PPP3CA: variants seen among roughly 807,000 people sequenced by gnomAD.
PPP3CA encodes the protein CAM-PRP catalytic subunit.
In PPP3CA, 14 loss-of-function variants were observed where a neutral mutation model predicts 66.5. The observed-to-expected ratio is 0.21, with a 90% confidence interval of 0.14 to 0.33. The LOEUF (loss-of-function observed/expected upper bound fraction) is 0.33. Ranked by LOEUF, PPP3CA falls within the 10% of genes least tolerant of loss-of-function variation. The pLI is 1.00. For missense variants in PPP3CA, 317 were observed against 639.5 expected, an observed-to-expected ratio of 0.50 and a Z score of 5.44; for synonymous variants, 232 against 226.2, an observed-to-expected ratio of 1.03 and a Z score of -0.23.
At chr4:101,212,744 G>C (rs1725336651) in intron 1 of PPP3CA, among the ~76,000 whole-genome samples, 2 of 151,328 alleles carry the variant, frequency 1.3e-5, no homozygotes, top group South Asian at 4.2e-4. Context: ...TTTAGTGGAA[G>C]GCTCAAAGCA....
At chr4:101,026,587 G>A (rs988379537) in intron 13 of PPP3CA, among the ~76,000 whole-genome samples, 3 of 152,114 alleles carry the variant, frequency 2.0e-5, no homozygotes, top group Non-Finnish European at 2.9e-5. Context: ...GGAATTAACC[G>A]GGGCATTTCC....
intron 11 of PPP3CA, among the ~76,000 whole-genome samples, chr4:101,032,835 G>A (rs1044287913): frequency 1.3e-5 from 2 of 152,160 alleles, no homozygotes; most frequent in Non-Finnish European, 2.9e-5. Context: ...GTGGATTAGG[G>A]AATCAGGAAT....
At chr4:101,109,970 G>T (rs1034692265) in intron 2 of PPP3CA, among the ~76,000 whole-genome samples, 18 of 152,178 alleles carry the variant, frequency 1.2e-4, no homozygotes, top group Admixed American at 3.3e-4. Context: ...ATGTGGCTTG[G>T]TAGGGTCACT....
chr4:101,220,198 T>A (rs760067396), intron 1 of PPP3CA, among the ~76,000 whole-genome samples: 2 of 151,770 alleles, frequency 1.3e-5, no homozygotes, highest in Non-Finnish European at 3.0e-5. Context: ...ATAAAAGATG[T>A]TCACATTTTT....
chr4:101,248,957 G>A (rs996344065), intron 1 of PPP3CA, among the ~76,000 whole-genome samples: 9 of 151,198 alleles, frequency 6.0e-5, no homozygotes, highest in South Asian at 4.2e-4. Flanking sequence ...TCAGGAGATA[G>A]AGACCATCCT....
chr4:101,344,666 C>T (rs1036831073), intron 1 of PPP3CA, among the ~76,000 whole-genome samples: 1 of 152,070 alleles, frequency 6.6e-6, no homozygotes, highest in Non-Finnish European at 1.5e-5. Flanking sequence ...GCAAAGTAGC[C>T]TTGGAATGGT....
intron 2 of PPP3CA, among the ~76,000 whole-genome samples, chr4:101,162,203 G>A (rs1056218486): frequency 2.0e-5 from 3 of 151,956 alleles, no homozygotes; most frequent in African/African-American, 4.8e-5. Context: ...TGGCGCCACT[G>A]CACTCCAGCC....
chr4:101,312,379 T>C (rs1340912612), intron 1 of PPP3CA, among the ~76,000 whole-genome samples: 1 of 152,054 alleles, frequency 6.6e-6, no homozygotes, highest in African/African-American at 2.4e-5. Context: ...TTAAATTATG[T>C]AACATAAGAC....
At chr4:101,110,361 A>G (rs970204783) in intron 2 of PPP3CA, among the ~76,000 whole-genome samples, 2 of 152,246 alleles carry the variant, frequency 1.3e-5, no homozygotes, top group Non-Finnish European at 2.9e-5. Flanking sequence ...ATAATTATAA[A>G]ACAATGAAAT....
chr4:101,106,495 GA>G (rs200415038), intron 3 of PPP3CA, among the ~76,000 whole-genome samples: 686 of 65,018 alleles, frequency 0.011, 58 homozygotes, highest in Non-Finnish European at 0.014. Flanking sequence ...GAAAAGAAAA[GA>G]AAAGAAAGAA....
At chr4:101,335,618 C>T (rs1048881630) in intron 1 of PPP3CA, among the ~76,000 whole-genome samples, 1 of 152,092 alleles carries the variant, frequency 6.6e-6, no homozygotes, top group Non-Finnish European at 1.5e-5. Context: ...GAAAAAATAA[C>T]AAGGGAATTT....
chr4:101,103,016 A>G (rs549274866), intron 3 of PPP3CA, among the ~76,000 whole-genome samples: 36 of 152,008 alleles, frequency 2.4e-4, no homozygotes, highest in African/African-American at 8.7e-4. Flanking sequence ...TATTTTTAAA[A>G]TTAATTTTTG....
chr4:101,291,640 G>C (rs1321632511), intron 1 of PPP3CA, among the ~76,000 whole-genome samples: 1 of 152,184 alleles, frequency 6.6e-6, no homozygotes, highest in East Asian at 1.9e-4. Flanking sequence ...CAACATCCTT[G>C]TTCTCCAGGA....
At chr4:101,112,216 A>G (rs576677218) in intron 2 of PPP3CA, among the ~76,000 whole-genome samples, 10 of 152,300 alleles carry the variant, frequency 6.6e-5, no homozygotes, top group African/African-American at 2.2e-4. Context: ...TAGACAATGC[A>G]AATATTATAA....
At chr4:101,322,403 GA>G (rs1226870291) in intron 1 of PPP3CA, among the ~76,000 whole-genome samples, 4 of 149,350 alleles carry the variant, frequency 2.7e-5, no homozygotes, top group Non-Finnish European at 5.9e-5. Flanking sequence ...TAAATCTACT[GA>G]CATCTTTTTT....
intron 1 of PPP3CA, among the ~76,000 whole-genome samples, chr4:101,331,633 A>T (rs190366096): frequency 5.3e-5 from 8 of 152,338 alleles, no homozygotes; most frequent in Admixed American, 5.2e-4. Flanking sequence ...TTCCATGCAG[A>T]GGTAAAGCAA....
chr4:101,252,811 A>T (rs1005814225), intron 1 of PPP3CA, among the ~76,000 whole-genome samples: 3 of 152,132 alleles, frequency 2.0e-5, no homozygotes, highest in African/African-American at 7.2e-5. Flanking sequence ...GTACTTCTTA[A>T]CTGTCTCTCT....
chr4:101,121,281 T>C (rs1560612425), intron 2 of PPP3CA, among the ~76,000 whole-genome samples: 1 of 152,140 alleles, frequency 6.6e-6, no homozygotes, highest in Non-Finnish European at 1.5e-5. Context: ...TGCTTCTTAT[T>C]GAGAAAAGTT....
At chr4:101,231,061 T>C (rs1007596231) in intron 1 of PPP3CA, among the ~76,000 whole-genome samples, 5 of 151,700 alleles carry the variant, frequency 3.3e-5, no homozygotes, top group Non-Finnish European at 3.0e-5. Context: ...TCCACGATTT[T>C]CAATTCTCCT....
Sources: allele counts gnomAD v4.1 joint callset (sites outside exome capture counted in the v4.1 genomes callset), GRCh38; gene constraint gnomAD v4.1.1; transcripts MANE v1.5; gene names NCBI Gene and HGNC (gene_info 2026-07-23, HGNC 2026-07-21).